Variants in CDH23 observed in about 807,000 individuals in gnomAD.
CDH23 encodes the protein cadherin related 23, also known as cadherin-23.
CDH23 carries 189 observed loss-of-function variants against 317.1 expected under a neutral mutation model. The ratio of observed to expected loss-of-function variants is 0.60; its 90% confidence interval spans 0.53 to 0.67. CDH23 has a LOEUF of 0.67. Ranked by LOEUF, CDH23 falls within the 30% of genes least tolerant of loss-of-function variation. The pLI, the probability that CDH23 is intolerant of heterozygous loss-of-function variation, is 0.00. For synonymous variants in CDH23, 1,839 were observed against 1,876.8 expected (o/e 0.98, Z 0.52); for missense variants, 4,401 against 4,592.4 (o/e 0.96, Z 1.20).
intron 48 of CDH23, 39 bp downstream of exon 48, chr10:71,793,679 C>T (rs1841327848): frequency 7.0e-7 from 1 of 1,431,044 alleles, no homozygotes. Context: ...CCTCCCAGCT[C>T]CCAGTCCTGT....
chr10:71,770,314 G>A (rs1490789792), intron 38 of CDH23, among the ~76,000 whole-genome samples: 1 of 152,256 alleles, frequency 6.6e-6, no homozygotes, highest in African/African-American at 2.4e-5. Flanking sequence ...ACTTTAGAGG[G>A]AGGGGAACTT....
Position 71,566,804 on chromosome 10 carries a change from G to A in CDH23, c.492G>A (p.Gly164=), listed in dbSNP as rs768300139. 11 of 1,613,582 alleles carry A rather than the reference G, an allele frequency of 6.8e-6. No homozygotes were observed. The highest frequency in any genetic ancestry group is 9.3e-6 in the Non-Finnish European group (11 of 1,179,578). ...CCACAGACCCCGACTTGGGGGCAGGGGGCAGCGTCCTCTACTCCTTCCAGC... is the reference window on the plus strand; with the variant it reads ...CCACAGACCCCGACTTGGGGGCAGGAGGCAGCGTCCTCTACTCCTTCCAGC... The part of the protein sequence containing the change: ...VNATDPDLGA[G]GSVLYSFQPP... The change falls in exon 7 of 70, where the codon GGG becomes GGA. Residue 164 remains glycine, a synonymous_variant. Transcript: ENST00000224721.
rs747830888 is a variant in CDH23, at chr10:71,791,181, G to A, written c.6099G>A (p.Ser2033=). 9 of 1,612,914 alleles carry A rather than the reference G, an allele frequency of 5.6e-6. No homozygotes were observed. Among genetic ancestry groups the A allele is most frequent in the African/African-American group, 2.7e-5 (2 of 75,026 alleles). ...SGVIIDREAF[S]PPILELLLLA... is the part of the protein sequence containing the mutation. ...TCATCATTGACCGGGAGGCATTCTC[G>A]CCACCCATCCTGGAGCTGCTGCTGC... Residue 2033 remains serine (S), a synonymous_variant, in exon 47 of 70, where the codon TCG becomes TCA. Transcript: ENST00000224721.
chr10:71,740,810 T>C lies in CDH23; in HGVS notation c.4489-12T>C. ...GCTTTAGCCCTGACTCCAGTTGCCCTCCTCCTTGCAGGTTGTGGCTTCTGA... is the reference window on the plus strand; with the variant it reads ...GCTTTAGCCCTGACTCCAGTTGCCCCCCTCCTTGCAGGTTGTGGCTTCTGA... On this transcript the variant is annotated splice_polypyrimidine_tract_variant and intron_variant, in intron 36 of 69. Transcript: ENST00000224721. The C allele has an allele frequency of 6.2e-7, 1 of 1,613,640 alleles. No homozygotes were observed. The highest frequency in any genetic ancestry group is 8.5e-7 in the Non-Finnish European group (1 of 1,179,820).
In CDH23 at chr10:71,613,339, G is replaced by C. The variant is rs937161131; in HGVS notation, c.833-2165G>C. Among the ~76,000 whole-genome samples the C allele has an allele frequency of 2.6e-5, 4 of 152,334 alleles. No individual in the cohort carries two copies. The East Asian group carries it at 7.7e-4, about 29-fold the overall frequency. ...AACGCAGCCATACAAAACCCAGCAG[G>C]AAGTGACCTAGGAGTCTCCATGGCT... On this transcript the variant is annotated intron_variant, in intron 9 of 69. Transcript: ENST00000224721.
chr10:71,425,676 G>A (rs1348531372), intron 1 of CDH23, among the ~76,000 whole-genome samples: 8 of 152,198 alleles, frequency 5.3e-5, no homozygotes, highest in African/African-American at 1.9e-4. Context: ...TGTGCCAGGA[G>A]GAAGCTCTCT....
chr10:71,711,874 A>AC (rs1306620122), intron 27 of CDH23: 1 of 146,964 alleles, frequency 6.8e-6, no homozygotes, highest in Non-Finnish European at 1.5e-5. Flanking sequence ...CAGGTGCTAT[A>AC]CCCGCCAGTC....
At chr10:71,793,039 CAA>C (rs1841305044) in intron 47 of CDH23, 141 bp from the exon 48 acceptor site, 2 of 544,954 alleles carry the variant, frequency 3.7e-6, no homozygotes, top group South Asian at 6.7e-5. Context: ...TATAAAATTG[CAA>C]GTATGAAAAA....
chr10:71,589,356 G>A (rs1434908137), intron 9 of CDH23, among the ~76,000 whole-genome samples: 1 of 152,178 alleles, frequency 6.6e-6, no homozygotes, highest in Non-Finnish European at 1.5e-5. Context: ...CTGACCTTGT[G>A]ATCCACCCAC....
At position 71,694,225 on chromosome 10, in the gene CDH23, G is replaced by C. The variant is rs752244950; in HGVS notation, c.2255G>C (p.Gly752Ala). ...YILIVRAVDGGVGHNQKTGIA... is the reference protein window; with the variant it reads ...YILIVRAVDGAVGHNQKTGIA... ...CTCATCGTTCGCGCAGTGGACGGGG[G>C]TGTGGGCCACAACCAGAAAACTGGC... is the stretch of plus-strand genomic sequence containing the variant. The change falls in exon 21 of 70, where the codon GGT becomes GCT. Residue 752 changes from glycine (G) to alanine (A), a missense_variant. Coordinates refer to ENST00000224721, the MANE Select transcript of CDH23 (RefSeq NM_022124.6). 1 of 1,613,358 alleles carries C rather than the reference G, an allele frequency of 6.2e-7. No homozygotes were observed. The highest frequency in any genetic ancestry group is 1.3e-5 in the African/African-American group (1 of 74,876).
chr10:71,754,622 C>G (rs1840086836), intron 38 of CDH23, among the ~76,000 whole-genome samples: 1 of 152,190 alleles, frequency 6.6e-6, no homozygotes, highest in Non-Finnish European at 1.5e-5. Context: ...TGACTTAAAG[C>G]CCAGCCCCAC....
At chr10:71,448,239 G>GTTT (rs1469786909) in intron 3 of CDH23, among the ~76,000 whole-genome samples, 3 of 152,242 alleles carry the variant, frequency 2.0e-5, no homozygotes. Context: ...ATGGTGACAA[G>GTTT]CCCGGGCTGG....
intron 38 of CDH23, chr10:71,752,076 C>T (rs1239752301): frequency 2.9e-6 from 2 of 697,852 alleles, no homozygotes; most frequent in Non-Finnish European, 2.6e-6. Flanking sequence ...GCATCAGGGC[C>T]CACCAGAACA....
intron 28 of CDH23, chr10:71,717,760 A>C (rs964971604): frequency 3.3e-5 from 5 of 152,230 alleles, no homozygotes; most frequent in Admixed American, 2.0e-4. Context: ...GTTTCCCAAG[A>C]GAAGCCAGAA....
chr10:71,738,550 C>T lies in CDH23; in HGVS notation c.4262C>T (p.Thr1421Ile), dbSNP rs1839633637. ...ENDNSPRFDF[T>I]SDSAVSIPED... ...GACAACAGCCCCCGGTTTGACTTCA[C>T]CTCCGACTCGGCGGTCAGCATACCC... The change falls in exon 35 of 70, where the codon ACC (threonine) becomes ATC (isoleucine). Residue 1421 changes from threonine (T) to isoleucine (I), a missense_variant. By Grantham distance (89) the Thr-to-Ile change is moderately conservative. Around this residue, in one of 3 missense-constraint regions of CDH23, gnomAD observed 3,068 missense variants for 3,203.3 expected, o/e 0.96. Transcript: ENST00000224721. 4 of 1,613,998 alleles carry T rather than the reference C, an allele frequency of 2.5e-6. No homozygotes were observed. The highest frequency in any genetic ancestry group is 2.5e-6 in the Non-Finnish European group (3 of 1,179,900).
rs139742443 is a variant in CDH23, at chr10:71,397,066, G to A, written c.-258G>A. 0.038 allele frequency: 5,884 copies of A among 155,680 alleles called. 128 individuals carry two copies. Among genetic ancestry groups the A allele is most frequent in the Middle Eastern group, 0.065 (20 of 306 alleles). The allele number at this position is 155,680 out of a possible 1,614,324, so 9.6% of individuals were successfully genotyped here. A position where few individuals can be genotyped will look rare whatever the true frequency, so the allele number is the denominator to read the frequency against. On this transcript the variant is annotated 5_prime_UTR_variant, in exon 1 of 70. Coordinates refer to ENST00000224721, the MANE Select transcript of CDH23 (RefSeq NM_022124.6). The surrounding 1 kb of genome is among the most constrained non-coding windows in gnomAD (Gnocchi z 4.8). The stretch of plus-strand genomic sequence containing the variant: ...CCGGCCTGGGCATGGAGCGCGGGGT[G>A]GCAGAGCCTCTGGACGTTTGGGGCG...
chr10:71,766,419 G>A (rs1292115824), intron 38 of CDH23, among the ~76,000 whole-genome samples: 3 of 152,240 alleles, frequency 2.0e-5, no homozygotes, highest in East Asian at 1.9e-4. Context: ...GAAGAGTGCC[G>A]TGAACCTGGG....
intron 38 of CDH23, among the ~76,000 whole-genome samples, chr10:71,752,522 C>T (rs1156538630): frequency 1.3e-5 from 2 of 152,210 alleles, no homozygotes; most frequent in Non-Finnish European, 2.9e-5. Context: ...TCCCCTCTGC[C>T]CCTAGACCCA....
At chr10:71,492,143 G>A (rs1217540351) in intron 3 of CDH23, among the ~76,000 whole-genome samples, 1 of 152,160 alleles carries the variant, frequency 6.6e-6, no homozygotes, top group Non-Finnish European at 1.5e-5. Context: ...TGGGTGACAG[G>A]TGTCACAGGT....
Sources: allele counts gnomAD v4.1 joint callset (sites outside exome capture counted in the v4.1 genomes callset), GRCh38; gene constraint gnomAD v4.1.1; regional missense constraint gnomAD v4.1.1; non-coding constraint Gnocchi (gnomAD v3.1); transcripts MANE v1.5; gene names NCBI Gene and HGNC (gene_info 2026-07-23, HGNC 2026-07-21).